The following SUCLG2 variants were observed in gnomAD, a reference collection of about 807,000 sequenced individuals.
SUCLG2 encodes the protein succinate-CoA ligase GDP-forming subunit beta.
In SUCLG2, 42 loss-of-function variants were observed where a neutral mutation model predicts 47.9. The ratio of observed to expected loss-of-function variants is 0.88; its 90% CI spans 0.69 to 1.14. The LOEUF (loss-of-function observed/expected upper bound fraction) is 1.14. SUCLG2 is among the 50% of genes most tolerant of loss of function. The pLI, the probability that SUCLG2 is intolerant of heterozygous loss-of-function variation, is 0.00. For missense variants in SUCLG2, 571 were observed against 525.9 expected, an observed-to-expected ratio of 1.09 and a Z score of -0.84; for synonymous variants, 195 against 197.3, an observed-to-expected ratio of 0.99 and a Z score of 0.10.
At chr3:67,362,849 G>A (rs2106739458) in intron 10 of SUCLG2, among the ~76,000 whole-genome samples, 1 of 152,298 alleles carries the variant, frequency 6.6e-6, no homozygotes, top group African/African-American at 2.4e-5. Context: ...CCTGTAATCA[G>A]TGACTCATAG....
At chr3:67,597,811 G>A (rs983884634) in intron 2 of SUCLG2, among the ~76,000 whole-genome samples, 1 of 151,690 alleles carries the variant, frequency 6.6e-6, no homozygotes, top group East Asian at 2.0e-4. Context: ...GGTGGCGGGT[G>A]CCTGTAGTCC....
intron 9 of SUCLG2, among the ~76,000 whole-genome samples, chr3:67,490,296 C>A (rs528701807): frequency 2.0e-4 from 31 of 152,196 alleles, no homozygotes; most frequent in African/African-American, 7.2e-4. Context: ...CAAGTGAATC[C>A]TAAAATATAT....
chr3:67,387,408 C>A (rs1276709620), intron 10 of SUCLG2, among the ~76,000 whole-genome samples: 1 of 152,162 alleles, frequency 6.6e-6, no homozygotes, highest in African/African-American at 2.4e-5. Flanking sequence ...AGGTCTCTAT[C>A]AGCCAATTAT....
chr3:67,402,023 A>C (rs1469844544), intron 9 of SUCLG2, among the ~76,000 whole-genome samples: 1 of 152,206 alleles, frequency 6.6e-6, no homozygotes, highest in African/African-American at 2.4e-5. Context: ...TGTTGTCCCA[A>C]GGTCACACAG....
intron 9 of SUCLG2, among the ~76,000 whole-genome samples, chr3:67,440,616 CAT>C (rs1231015014): frequency 6.6e-6 from 1 of 152,084 alleles, no homozygotes; most frequent in Non-Finnish European, 1.5e-5. Flanking sequence ...CAGCAACAAA[CAT>C]ATGAAAAAAA....
intron 10 of SUCLG2, among the ~76,000 whole-genome samples, chr3:67,397,361 C>T (rs1235727236): frequency 1.3e-5 from 2 of 151,304 alleles, no homozygotes; most frequent in Non-Finnish European, 3.0e-5. Context: ...AAATCACAAG[C>T]ATTCTTATAC....
At chr3:67,438,102 A>C (rs1703668593) in intron 9 of SUCLG2, among the ~76,000 whole-genome samples, 1 of 152,244 alleles carries the variant, frequency 6.6e-6, no homozygotes, top group South Asian at 2.1e-4. Flanking sequence ...AACTACGTGG[A>C]AACTGAACAA....
Position 67,610,565 on chromosome 3 carries a change from A to G in SUCLG2, c.85-969T>C, listed in dbSNP as rs151260219. Among the ~76,000 whole-genome samples the G allele has an allele frequency of 7.2e-5, 11 of 152,272 alleles. No homozygotes were observed. The East Asian group carries it at 2.1e-3, about 29-fold the overall frequency. On this transcript the variant is annotated intron_variant, in intron 1 of 10. Coordinates refer to ENST00000307227, the MANE Select transcript of SUCLG2 (RefSeq NM_003848.4). ...ACTTAATGTAAACTCCTTTCCATCC[A>G]TGAGTCATATGCAAAGGAAACATTA... is the stretch of plus-strand genomic sequence containing the variant.
At chr3:67,372,394 C>T (rs2130547), downstream of SUCLG2, among the ~76,000 whole-genome samples, 100,447 of 152,036 alleles carry the variant, frequency 0.66, 33,307 homozygotes, top group Middle Eastern at 0.83. Flanking sequence ...ACACTGCAGT[C>T]ACTTTTTTTT....
intron 2 of SUCLG2, among the ~76,000 whole-genome samples, chr3:67,567,811 T>C (rs1228220974): frequency 6.6e-6 from 1 of 152,254 alleles, no homozygotes; most frequent in Admixed American, 6.5e-5. Context: ...GTCTTCTTTA[T>C]TTATATACAA....
chr3:67,507,189 T>C (rs1194732028), intron 7 of SUCLG2, among the ~76,000 whole-genome samples: 2 of 152,172 alleles, frequency 1.3e-5, no homozygotes, highest in African/African-American at 2.4e-5. Flanking sequence ...CACAATTTGA[T>C]AGCCATAGCA....
chr3:67,410,587 T>C (rs1157658143), intron 9 of SUCLG2, among the ~76,000 whole-genome samples: 1 of 152,138 alleles, frequency 6.6e-6, no homozygotes, highest in Non-Finnish European at 1.5e-5. Context: ...ACATTTAGAA[T>C]GGCAAATGCA....
chr3:67,397,966 T>A (rs1292055795), intron 10 of SUCLG2, among the ~76,000 whole-genome samples: 1 of 150,582 alleles, frequency 6.6e-6, no homozygotes, highest in African/African-American at 2.4e-5. Context: ...TGGCTAGCCA[T>A]ATGTAGAAAG....
At chr3:67,650,854 A>G (rs1329305866) in intron 1 of SUCLG2, among the ~76,000 whole-genome samples, 1 of 152,216 alleles carries the variant, frequency 6.6e-6, no homozygotes, top group Non-Finnish European at 1.5e-5. Flanking sequence ...GAAATACCCT[A>G]AGAGACAACA....
intron 2 of SUCLG2, among the ~76,000 whole-genome samples, chr3:67,553,306 C>T (rs972642537): frequency 6.6e-6 from 1 of 152,208 alleles, no homozygotes; most frequent in Non-Finnish European, 1.5e-5. Flanking sequence ...TCCCTTTGTC[C>T]ATGGTGGCTT....
At chr3:67,433,046 T>C (rs1703526482) in intron 9 of SUCLG2, among the ~76,000 whole-genome samples, 1 of 152,212 alleles carries the variant, frequency 6.6e-6, no homozygotes, top group South Asian at 2.1e-4. Context: ...TATGCTGTAC[T>C]GTTCTCCCCT....
intron 10 of SUCLG2, among the ~76,000 whole-genome samples, chr3:67,394,777 G>A (rs1366507656): frequency 3.3e-5 from 5 of 151,424 alleles, no homozygotes; most frequent in African/African-American, 1.2e-4. Context: ...AGAGAGAAAG[G>A]TCGGGTTACC....
At chr3:67,444,699 GC>G (rs1462677083) in intron 9 of SUCLG2, among the ~76,000 whole-genome samples, 1 of 12,300 alleles carries the variant, frequency 8.1e-5, no homozygotes, top group Non-Finnish European at 1.4e-4. Flanking sequence ...GGGGGGGTCA[GC>G]CCCCCTGCCC....
chr3:67,548,051 C>A (rs182201346), intron 2 of SUCLG2, among the ~76,000 whole-genome samples: 1 of 152,250 alleles, frequency 6.6e-6, no homozygotes, highest in African/African-American at 2.4e-5. Flanking sequence ...ACTTCCTTTA[C>A]TCTATGAAAT....
Sources: allele counts gnomAD v4.1 joint callset (sites outside exome capture counted in the v4.1 genomes callset), GRCh38; gene constraint gnomAD v4.1.1; transcripts MANE v1.5; gene names NCBI Gene and HGNC (gene_info 2026-07-23, HGNC 2026-07-21).